CTBS: variants seen among roughly 807,000 people sequenced by gnomAD.
CTBS encodes the protein di-N-acetylchitobiase.
A neutral mutation model predicts 44.3 loss-of-function variants in CTBS; 35 were observed. That is an observed-to-expected ratio of 0.79 (90% confidence interval 0.60 to 1.05). The LOEUF is 1.05. Among genes scored for constraint, CTBS ranks in the 50% least tolerant of loss-of-function variants. The pLI is 0.00. For synonymous variants in CTBS, 143 were observed against 168.0 expected (o/e 0.85, Z 1.15); for missense variants, 458 against 475.3 (o/e 0.96, Z 0.34).
chr1:84,563,325 G>C lies in CTBS; in HGVS notation c.889C>G (p.Gln297Glu). The stretch of plus-strand genomic sequence containing the variant: ...TTTCCAGAAATAGAACTATTTATTT[G>C]CTTCATGATCGTTTTGTAGGGCACC... Reference protein sequence around the residue: ...RQVPYKTIMKQINSSISGNLW... With the variant: ...RQVPYKTIMKEINSSISGNLW... The change falls in exon 6 of 7, where the codon CAA (glutamine) becomes GAA (glutamate). Residue 297 changes from glutamine to glutamate, a missense_variant. By Grantham distance (29) the Gln-to-Glu change is conservative (BLOSUM62 2). Transcript: ENST00000370630. 1 of 1,598,692 alleles carries C rather than the reference G, an allele frequency of 6.3e-7. No individual in the cohort carries two copies.
chr1:84,561,073 A>G (rs1203166834), intron 6 of CTBS, among the ~76,000 whole-genome samples: 1 of 152,268 alleles, frequency 6.6e-6, no homozygotes, highest in Non-Finnish European at 1.5e-5. Flanking sequence ...GTAAGGCTGT[A>G]GCAGCCAAAG....
Position 84,550,571 on chromosome 1 carries a change from T to C in CTBS, c.*4428A>G. ...CCTAATCAGATTATTATAACATTTATCTTGAAATAAAATATTTTGGTGTTT... is the reference window on the plus strand; with the variant it reads ...CCTAATCAGATTATTATAACATTTACCTTGAAATAAAATATTTTGGTGTTT... On this transcript the variant is annotated 3_prime_UTR_variant, in exon 7 of 7. Transcript: ENST00000370630. 2.1e-6 allele frequency: 3 copies of C among 1,458,656 alleles called. No homozygotes were observed. The highest frequency in any genetic ancestry group is 2.7e-6 in the Non-Finnish European group (3 of 1,099,932). 90.4% of individuals were successfully genotyped at this position (1,458,656 alleles called of 1,614,324 possible).
chr1:84,571,770 G>A (rs1019523698), intron 1 of CTBS, among the ~76,000 whole-genome samples: 1 of 152,180 alleles, frequency 6.6e-6, no homozygotes, highest in African/African-American at 2.4e-5. Flanking sequence ...AGCATATAAA[G>A]GGGACCTGCT....
rs372504366 is a variant in CTBS at position 84,569,895 on chromosome 1, A to C, written c.525+36T>G. 5.2e-6 allele frequency: 8 copies of C among 1,534,552 alleles called. No homozygotes were observed. The East Asian group carries it at 1.8e-4, about 35-fold the overall frequency. On this transcript the variant is annotated intron_variant, in intron 3 of 6. Coordinates refer to ENST00000370630, the MANE Select transcript of CTBS (RefSeq NM_004388.3). Reference sequence around the variant, plus strand: ...CCTCATGAGTATATTCTGATATGGAAAATATGAGGTTTCCAAAAAATAAAT... The same window carrying C: ...CCTCATGAGTATATTCTGATATGGACAATATGAGGTTTCCAAAAAATAAAT...
intron 6 of CTBS, among the ~76,000 whole-genome samples, chr1:84,559,024 G>T (rs1684533675): frequency 6.6e-6 from 1 of 152,128 alleles, no homozygotes; most frequent in South Asian, 2.1e-4. Context: ...AAGATTCTAT[G>T]TTACATATTT....
At chr1:84,571,833 C>T (rs1329390052) in intron 1 of CTBS, among the ~76,000 whole-genome samples, 1 of 152,114 alleles carries the variant, frequency 6.6e-6, no homozygotes. Flanking sequence ...TCGGAGTGGG[C>T]TGAAATCAGC....
rs1344935709 is a variant in CTBS, at chr1:84,565,904, G to A, written c.634C>T (p.Gln212Ter). The A allele has an allele frequency of 1.0e-5, 16 of 1,595,120 alleles. No individual in the cohort carries two copies. The highest frequency in any genetic ancestry group is 1.4e-5 in the Non-Finnish European group (16 of 1,171,776). ...DFLFVMSYDE[Q>*]SQIWSECIAA... The stretch of plus-strand genomic sequence containing the variant: ...ATACATTCTGACCAGATCTGACTTT[G>A]TTCATCATAAGACATCACAAAGAGG... Residue 212 changes from glutamine to a stop codon, truncating the protein, a stop_gained, in exon 4 of 7, where the codon CAA becomes TAA. Coordinates refer to ENST00000370630, the MANE Select transcript of CTBS (RefSeq NM_004388.3). LOFTEE classifies it high-confidence loss of function.
chr1:84,563,545 G>C, intron 5 of CTBS, 127 bp from the exon 6 acceptor site: 1 of 722,342 alleles, frequency 1.4e-6, no homozygotes, highest in East Asian at 3.3e-5. Flanking sequence ...ACAGAAAAAA[G>C]GTTAAAATAA....
chr1:84,570,608 G>C lies in CTBS; in HGVS notation c.290C>G (p.Ser97Ter), dbSNP rs1453061722. Reference protein sequence around the residue: ...YDSELMCYAHSKGARVVLKGD... With the variant: ...YDSELMCYAH Reference sequence around the variant, plus strand: ...TTTAAGTACTACTCTGGCTCCTTTTGAATGAGCGTAGCACATAAGTTCTGA... The same window carrying C: ...TTTAAGTACTACTCTGGCTCCTTTTCAATGAGCGTAGCACATAAGTTCTGA... The change falls in exon 2 of 7, where the codon TCA becomes TGA. Residue 97 changes from serine (S) to a stop codon, truncating the protein, a stop_gained. Transcript: ENST00000370630. LOFTEE classifies it high-confidence loss of function. The C allele has an allele frequency of 5.0e-6, 8 of 1,612,978 alleles. No homozygotes were observed. The highest frequency in any genetic ancestry group is 6.8e-6 in the Non-Finnish European group (8 of 1,179,362).
In CTBS at chr1:84,565,949, T is replaced by G; in HGVS notation, c.589A>C (p.Ile197Leu). 6.3e-7 allele frequency: 1 copy of G among 1,598,062 alleles called. No homozygotes were observed. The highest frequency in any genetic ancestry group is 8.5e-7 in the Non-Finnish European group (1 of 1,172,894). Residue 197 changes from isoleucine to leucine, a missense_variant, in exon 4 of 7, where the codon ATC (isoleucine) becomes CTC (leucine). Coordinates refer to ENST00000370630, the MANE Select transcript of CTBS (RefSeq NM_004388.3). ...IDRRCYNYTG[I>L]ADACDFLFVM... is the part of the protein sequence containing the mutation. ...AAGAGGAAGTCACAAGCATCTGCGA[T>G]TCCAGTATAATTATAGCATCTTCTG...
Position 84,552,921 on chromosome 1 carries a change from C to T in CTBS, c.*2078G>A, listed in dbSNP as rs1483123163. ...CAGTGGGAGTTGAAAGCACTGAAGC[C>T]AAATGAGAGAAGACAGTTAAAGCGG... On this transcript the variant is annotated 3_prime_UTR_variant, in exon 7 of 7. Transcript: ENST00000370630. 4 of 665,414 alleles carry T rather than the reference C, an allele frequency of 6.0e-6. No individual in the cohort carries two copies. The highest frequency in any genetic ancestry group is 1.9e-5 in the African/African-American group (1 of 53,298). The allele number at this position is 665,414 out of a possible 1,614,324, so 41.2% of individuals were successfully genotyped here. A position where few individuals can be genotyped will look rare whatever the true frequency, so the allele number is the denominator to read the frequency against.
chr1:84,560,743 A>T (rs1049558393), intron 6 of CTBS, among the ~76,000 whole-genome samples: 1 of 152,194 alleles, frequency 6.6e-6, no homozygotes, highest in African/African-American at 2.4e-5. Flanking sequence ...TTCATTTACC[A>T]TTCCAAAAAT....
rs1454434069 is a variant in CTBS, at chr1:84,551,287, T to C, written c.*3712A>G. Reference sequence around the variant, plus strand: ...CAGCTTTATGACACAGAATAATGACTGCATTCTAGAATTAGCTCTTTTTAA... The same window carrying C: ...CAGCTTTATGACACAGAATAATGACCGCATTCTAGAATTAGCTCTTTTTAA... On this transcript the variant is annotated 3_prime_UTR_variant, in exon 7 of 7. Coordinates refer to ENST00000370630, the MANE Select transcript of CTBS (RefSeq NM_004388.3). The C allele has an allele frequency of 1.0e-6, 1 of 980,208 alleles. No homozygotes were observed. Among genetic ancestry groups the C allele is most frequent in the African/African-American group, 1.7e-5 (1 of 57,266 alleles). 60.7% of individuals were successfully genotyped at this position (980,208 alleles called of 1,614,324 possible).
intron 6 of CTBS, among the ~76,000 whole-genome samples, chr1:84,557,554 G>A (rs147415231): frequency 0.039 from 2,727 of 69,046 alleles, 52 homozygotes; most frequent in African/African-American, 0.15. Flanking sequence ...AAAAAAAAAA[G>A]AAAAAAAAAA....
intron 6 of CTBS, among the ~76,000 whole-genome samples, chr1:84,557,871 A>AG (rs1311248304): frequency 1.3e-5 from 2 of 151,188 alleles, no homozygotes; most frequent in African/African-American, 2.4e-5. Context: ...AAAAAAAAAA[A>AG]GAGGAAGGAA....
Position 84,553,277 on chromosome 1 carries a change from A to C in CTBS, c.*1722T>G, listed in dbSNP as rs1262078676. On this transcript the variant is annotated 3_prime_UTR_variant, in exon 7 of 7. Coordinates refer to ENST00000370630, the MANE Select transcript of CTBS (RefSeq NM_004388.3). Reference sequence around the variant, plus strand: ...GTGGGTATTACAAAATGTTTCAGGAAATATTAGATGTAATATAAAGCAAAA... The same window carrying C: ...GTGGGTATTACAAAATGTTTCAGGACATATTAGATGTAATATAAAGCAAAA... The C allele has an allele frequency of 2.1e-6, 1 of 475,718 alleles. No individual in the cohort carries two copies. Among genetic ancestry groups the C allele is most frequent in the Non-Finnish European group, 3.7e-6 (1 of 266,798 alleles). The allele number at this position is 475,718 out of a possible 1,614,324, so 29.5% of individuals were successfully genotyped here. A position where few individuals can be genotyped will look rare whatever the true frequency, so the allele number is the denominator to read the frequency against.
In CTBS at chr1:84,552,887, G is replaced by A. The variant is rs1372463368; in HGVS notation, c.*2112C>T. 4 of 591,290 alleles carry A rather than the reference G, an allele frequency of 6.8e-6. No individual in the cohort carries two copies. The highest frequency in any genetic ancestry group is 3.0e-4 in the Middle Eastern group (1 of 3,290). The allele number at this position is 591,290 out of a possible 1,614,324, so 36.6% of individuals were successfully genotyped here. ...AGCATTCATAATCTACACATTTACTGTAGTAATCCAGTGGGAGTTGAAAGC... is the reference window on the plus strand; with the variant it reads ...AGCATTCATAATCTACACATTTACTATAGTAATCCAGTGGGAGTTGAAAGC... On this transcript the variant is annotated 3_prime_UTR_variant, in exon 7 of 7. Transcript: ENST00000370630.
rs984448582 is a variant in CTBS at position 84,552,297 on chromosome 1, A to G, written c.*2702T>C. ...TATCATCTGAGGATCCTGTTTAAAAATGCAGGATCTGACTCAGTAGGTCTG... is the reference window on the plus strand; with the variant it reads ...TATCATCTGAGGATCCTGTTTAAAAGTGCAGGATCTGACTCAGTAGGTCTG... On this transcript the variant is annotated 3_prime_UTR_variant, in exon 7 of 7. Coordinates refer to ENST00000370630, the MANE Select transcript of CTBS (RefSeq NM_004388.3). 5 of 152,194 alleles carry G rather than the reference A, an allele frequency of 3.3e-5. No individual in the cohort carries two copies. The highest frequency in any genetic ancestry group is 7.3e-5 in the Non-Finnish European group (5 of 68,030). The allele number at this position is 152,194 out of a possible 1,614,324, so 9.4% of individuals were successfully genotyped here.
chr1:84,573,280 A>G (rs779450009), intron 1 of CTBS, among the ~76,000 whole-genome samples: 1 of 152,250 alleles, frequency 6.6e-6, no homozygotes, highest in Non-Finnish European at 1.5e-5. Context: ...TGTTCGGCCT[A>G]TAAAAGCCCA....
Sources: allele counts gnomAD v4.1 joint callset (sites outside exome capture counted in the v4.1 genomes callset), GRCh38; gene constraint gnomAD v4.1.1; transcripts MANE v1.5; gene names NCBI Gene and HGNC (gene_info 2026-07-23, HGNC 2026-07-21).